Variants in TMEM273 observed in about 807,000 individuals in gnomAD.
TMEM273 encodes chromosome 10 open reading frame 128.
A neutral mutation model predicts 17.9 loss-of-function variants in TMEM273; 19 were observed. That is an observed-to-expected ratio of 1.06 (90% CI 0.74 to 1.55). The LOEUF (loss-of-function observed/expected upper bound fraction) is 1.55. Ranked by LOEUF, TMEM273 falls within the 40% of genes most tolerant of loss-of-function variation. The pLI, the probability that TMEM273 is intolerant of heterozygous loss-of-function variation, is 0.00. For missense variants in TMEM273, 194 were observed against 155.6 expected, an observed-to-expected ratio of 1.25 and a Z score of -1.31; for synonymous variants, 66 against 62.0, an observed-to-expected ratio of 1.07 and a Z score of -0.31.
chr10:49,166,918 T>C lies in TMEM273; in HGVS notation c.189A>G (p.Leu63=), dbSNP rs767836996. Residue 63 remains leucine (L), a synonymous_variant, in exon 3 of 7, where the codon TTA becomes TTG. Coordinates refer to ENST00000374153, the MANE Select transcript of TMEM273 (RefSeq NM_001288740.3). ...TCAGGTCGGAAGAGTCGTCGTCAAA[T>C]AAGTGCCTCCTGATCATGCAGATCT... ...ALKICMIRRH[L]FDDDSSDLKS... 3.1e-6 allele frequency: 5 copies of C among 1,613,950 alleles called. No homozygotes were observed. The Admixed American group carries it at 5.0e-5, about 16-fold the overall frequency.
chr10:49,160,230 G>A (rs1264611931), intron 6 of TMEM273: 2 of 152,032 alleles, frequency 1.3e-5, no homozygotes, highest in Non-Finnish European at 2.9e-5. Context: ...ATTTCAGAGG[G>A]GAAAATTCTA....
At chr10:49,184,095 G>T (rs945273696) in intron 1 of TMEM273, among the ~76,000 whole-genome samples, 2 of 152,122 alleles carry the variant, frequency 1.3e-5, no homozygotes, top group African/African-American at 4.8e-5. Flanking sequence ...AGCAAAGAAA[G>T]GAAAGATCAT....
At chr10:49,171,891 T>G (rs539552102) in intron 1 of TMEM273, among the ~76,000 whole-genome samples, 2 of 150,934 alleles carry the variant, frequency 1.3e-5, no homozygotes, top group Non-Finnish European at 3.0e-5. Flanking sequence ...GCTGTCCACC[T>G]GTTGGGTCCA....
intron 1 of TMEM273, among the ~76,000 whole-genome samples, chr10:49,179,909 C>T (rs536534013): frequency 1.3e-5 from 2 of 152,198 alleles, no homozygotes; most frequent in Non-Finnish European, 2.9e-5. Flanking sequence ...AAACTGTGCC[C>T]TCACCCCAAG....
At chr10:49,171,596 C>G (rs903366177) in intron 1 of TMEM273, among the ~76,000 whole-genome samples, 6 of 152,252 alleles carry the variant, frequency 3.9e-5, no homozygotes, top group Non-Finnish European at 8.8e-5. Flanking sequence ...AGCCCCCTCA[C>G]AGCTGCCATT....
In TMEM273 at chr10:49,188,380, C is replaced by T. The variant is rs781268972; in HGVS notation, c.-44G>A. On this transcript the variant is annotated 5_prime_UTR_variant, in exon 1 of 7. Coordinates refer to ENST00000374153, the MANE Select transcript of TMEM273 (RefSeq NM_001288740.3). ...GCTCCTGGCTCCTGGCTGCTGGCAGCGCAGGCACAATGAGCCATGTGACCC... is the reference window on the plus strand; with the variant it reads ...GCTCCTGGCTCCTGGCTGCTGGCAGTGCAGGCACAATGAGCCATGTGACCC... 19 of 1,613,634 alleles carry T rather than the reference C, an allele frequency of 1.2e-5. No homozygotes were observed. The highest frequency in any genetic ancestry group is 6.7e-5 in the East Asian group (3 of 44,848).
chr10:49,172,353 C>T (rs1323369581), intron 1 of TMEM273, among the ~76,000 whole-genome samples: 1 of 152,192 alleles, frequency 6.6e-6, no homozygotes, highest in Admixed American at 6.5e-5. Flanking sequence ...CAGAGTGTCA[C>T]AGGCAAAGCT....
intron 1 of TMEM273, among the ~76,000 whole-genome samples, chr10:49,177,350 C>CT (rs1564641275): frequency 6.6e-6 from 1 of 152,230 alleles, no homozygotes; most frequent in East Asian, 1.9e-4. Flanking sequence ...TTCCCTGATT[C>CT]GGGTCCTCAC....
At chr10:49,180,648 T>C (rs1321329157) in intron 1 of TMEM273, among the ~76,000 whole-genome samples, 3 of 152,132 alleles carry the variant, frequency 2.0e-5, no homozygotes, top group Non-Finnish European at 4.4e-5. Context: ...ACAATCTCTA[T>C]TTGAATGAAA....
rs1846222472 is a variant in TMEM273 at position 49,166,868 on chromosome 10, C to T, written c.238+1G>A. On this transcript the variant is annotated splice_donor_variant, in intron 3 of 6. Coordinates refer to ENST00000374153, the MANE Select transcript of TMEM273 (RefSeq NM_001288740.3). LOFTEE classifies it high-confidence loss of function. ...CCAGGCCCGAGCACCACATCCCTCA[C>T]CACTGAGGCCCCCAGGCGTGCTTTT... is the stretch of plus-strand genomic sequence containing the variant. The T allele has an allele frequency of 1.2e-6, 2 of 1,613,478 alleles. No homozygotes were observed. Among genetic ancestry groups the T allele is most frequent in the African/African-American group, 1.3e-5 (1 of 74,938 alleles).
intron 6 of TMEM273, chr10:49,160,616 G>C (rs1845783947): frequency 6.6e-6 from 1 of 152,016 alleles, no homozygotes; most frequent in South Asian, 2.1e-4. Flanking sequence ...ATTTAAATAT[G>C]GACTGTATAA....
At chr10:49,169,628 C>T (rs967134615) in intron 1 of TMEM273, among the ~76,000 whole-genome samples, 1 of 152,250 alleles carries the variant, frequency 6.6e-6, no homozygotes, top group Non-Finnish European at 1.5e-5. Context: ...CATTTGCTCA[C>T]ACACACAGAC....
intron 6 of TMEM273, among the ~76,000 whole-genome samples, chr10:49,159,030 T>C (rs1845683320): frequency 6.6e-6 from 1 of 152,102 alleles, no homozygotes; most frequent in African/African-American, 2.4e-5. Context: ...CAGGAACTAT[T>C]GAAAATAGCA....
intron 1 of TMEM273, among the ~76,000 whole-genome samples, chr10:49,176,236 A>G (rs1477873278): frequency 6.6e-6 from 1 of 152,200 alleles, no homozygotes; most frequent in Non-Finnish European, 1.5e-5. Context: ...CCACTATCCT[A>G]GGGGCCATGA....
At chr10:49,166,141 C>T (rs2804930) in intron 3 of TMEM273, among the ~76,000 whole-genome samples, 22,949 of 152,180 alleles carry the variant, frequency 0.15, 2,091 homozygotes, top group East Asian at 0.3. Context: ...CAGTGAGGCT[C>T]TATTCTCCCC....
chr10:49,159,460 G>T (rs940109850), intron 6 of TMEM273, among the ~76,000 whole-genome samples: 2 of 152,296 alleles, frequency 1.3e-5, no homozygotes, highest in East Asian at 3.9e-4. Flanking sequence ...TAGAGAAAAT[G>T]AGTAAAAATA....
Position 49,165,257 on chromosome 10 carries a change from G to A in TMEM273, c.296C>T (p.Ser99Phe), listed in dbSNP as rs1175240464. The part of the protein sequence containing the change: ...PRKLQASTLF[S>F]FKSLLQCHHC... Reference sequence around the variant, plus strand: ...GTGACACTGAAGCAGGGATTTGAAGGAAAAGAGGGTCGAGGCTTGCAGCTT... The same window carrying A: ...GTGACACTGAAGCAGGGATTTGAAGAAAAAGAGGGTCGAGGCTTGCAGCTT... The change falls in exon 5 of 7, where the codon TCC becomes TTC. Residue 99 changes from serine to phenylalanine, a missense_variant. Physicochemically the swap from Ser to Phe is radical, Grantham distance 155. Transcript: ENST00000374153. 9 of 1,550,586 alleles carry A rather than the reference G, an allele frequency of 5.8e-6. No homozygotes were observed. In the South Asian group the frequency reaches 1.1e-4, roughly 18 times the overall value.
At chr10:49,165,712 CA>C in intron 4 of TMEM273, 53 bp downstream of exon 4, 1 of 1,609,774 alleles carries the variant, frequency 6.2e-7, no homozygotes, top group Non-Finnish European at 8.5e-7. Flanking sequence ...GTGGCACGGT[CA>C]AGACAGGAGA....
intron 6 of TMEM273, 145 bp downstream of exon 6, chr10:49,161,454 C>T (rs1845835108): frequency 3.1e-6 from 3 of 961,032 alleles, no homozygotes; most frequent in Admixed American, 3.8e-5. Context: ...CACAGCTGTC[C>T]TGGCATGAGG....
Sources: allele counts gnomAD v4.1 joint callset (sites outside exome capture counted in the v4.1 genomes callset), GRCh38; gene constraint gnomAD v4.1.1; transcripts MANE v1.5; gene names NCBI Gene and HGNC (gene_info 2026-07-23, HGNC 2026-07-21).